TRPC1: variants seen among roughly 807,000 people sequenced by gnomAD.
The protein encoded by TRPC1 is short transient receptor potential channel 1.
Under a neutral mutation model 88.2 loss-of-function variants are expected in TRPC1, and 42 were observed. That is an observed-to-expected ratio of 0.48 (90% CI 0.37 to 0.62). The LOEUF (loss-of-function observed/expected upper bound fraction) is 0.62. Among genes scored for constraint, TRPC1 ranks in the 20% least tolerant of loss-of-function variants. The probability of loss-of-function intolerance (pLI) is 0.00; values close to 1 mark genes in which losing one functional copy is unlikely to be tolerated. For missense variants in TRPC1, 699 were observed against 957.3 expected (o/e 0.73, Z 3.56); for synonymous variants, 288 against 331.8 (o/e 0.87, Z 1.43).
chr3:142,763,215 T>C (rs1350445257), intron 4 of TRPC1, among the ~76,000 whole-genome samples: 1 of 152,104 alleles, frequency 6.6e-6, no homozygotes, highest in Non-Finnish European at 1.5e-5. Flanking sequence ...TTTTACTCTT[T>C]CTTTGTTGAT....
chr3:142,760,573 G>T (rs1242269629), intron 4 of TRPC1, among the ~76,000 whole-genome samples: 1 of 151,956 alleles, frequency 6.6e-6, no homozygotes, highest in Non-Finnish European at 1.5e-5. Context: ...AGTCTTTTGT[G>T]GTTTCATATA....
intron 7 of TRPC1, among the ~76,000 whole-genome samples, chr3:142,790,676 G>GTGTCTCCGTGTA (rs1291285322): frequency 1.3e-5 from 2 of 152,020 alleles, no homozygotes; most frequent in Non-Finnish European, 2.9e-5. Context: ...GTATCCGTGT[G>GTGTCTCCGTGTA]TGTCTCCGTG....
At chr3:142,774,128 T>TGCACCTTCA (rs750191243) in intron 4 of TRPC1, among the ~76,000 whole-genome samples, 3 of 152,320 alleles carry the variant, frequency 2.0e-5, no homozygotes, top group Non-Finnish European at 4.4e-5. Context: ...GTTCTGCTAA[T>TGCACCTTCA]GCACCTTCAG....
At position 142,794,453 on chromosome 3, in the gene TRPC1, A is replaced by G. The variant is rs542391637; in HGVS notation, c.1581+1486A>G. ...CTTCTATCTAAAGCAATCAAAAAGG[A>G]AAAAAGAACAAAATATATGAAACAA... On this transcript the variant is annotated intron_variant, in intron 9 of 12. Transcript: ENST00000476941. Among the ~76,000 whole-genome samples, 10 of 152,260 alleles carry G rather than the reference A, an allele frequency of 6.6e-5. No individual in the cohort carries two copies. In the South Asian group the frequency reaches 2.1e-3, roughly 32 times the overall value.
chr3:142,728,582 A>G (rs377091524), intron 1 of TRPC1, among the ~76,000 whole-genome samples: 135 of 152,136 alleles, frequency 8.9e-4, no homozygotes, highest in African/African-American at 3.1e-3. Context: ...CGGCTTCCCA[A>G]AGTGCTGGGA....
rs1479570831 is a variant in TRPC1 at position 142,724,281 on chromosome 3, G to C, written c.-279G>C. On this transcript the variant is annotated 5_prime_UTR_variant, in exon 1 of 13. Coordinates refer to ENST00000476941, the MANE Select transcript of TRPC1 (RefSeq NM_001251845.2). This position sits in a 1 kb window ranked among gnomAD's most constrained non-coding sequence, Gnocchi z 5.6. ...GCGCGCCACACTGTCGTCCCCGGAC[G>C]GGCGCGGACCGGCTCGGCCGGGGCG... The C allele has an allele frequency of 5.2e-6, 1 of 193,366 alleles. No individual in the cohort carries two copies. Among genetic ancestry groups the C allele is most frequent in the Non-Finnish European group, 1.0e-5 (1 of 95,414 alleles). 12.0% of individuals were successfully genotyped at this position (193,366 alleles called of 1,614,324 possible).
At chr3:142,737,217 C>CT (rs200417176) in intron 2 of TRPC1, among the ~76,000 whole-genome samples, 15,313 of 142,196 alleles carry the variant, frequency 0.11, 949 homozygotes, top group Non-Finnish European at 0.15. Context: ...AATTCTACCT[C>CT]TTTTTTTTTT....
In TRPC1 at chr3:142,743,392, A is replaced by C. The variant is rs1337068925; in HGVS notation, c.328-93A>C. On this transcript the variant is annotated intron_variant, in intron 2 of 12. Coordinates refer to ENST00000476941, the MANE Select transcript of TRPC1 (RefSeq NM_001251845.2). ...GTATTACTGTATATAATACAGTTTAAATTTTTAAAAAGTTTTATTTATGAA... is the reference window on the plus strand; with the variant it reads ...GTATTACTGTATATAATACAGTTTACATTTTTAAAAAGTTTTATTTATGAA... 4 of 1,029,698 alleles carry C rather than the reference A, an allele frequency of 3.9e-6. No individual in the cohort carries two copies. The African/African-American group carries it at 4.9e-5, about 13-fold the overall frequency. 63.8% of individuals were successfully genotyped at this position (1,029,698 alleles called of 1,614,324 possible). A position where few individuals can be genotyped will look rare whatever the true frequency, so the allele number is the denominator to read the frequency against.
chr3:142,789,579 A>G (rs1936235468), intron 7 of TRPC1, among the ~76,000 whole-genome samples: 1 of 152,192 alleles, frequency 6.6e-6, no homozygotes, highest in African/African-American at 2.4e-5. Flanking sequence ...GATAAGCCAG[A>G]GAATGATTCT....
rs944958055 is a variant in TRPC1 at position 142,724,324 on chromosome 3, G to A, written c.-236G>A. The stretch of plus-strand genomic sequence containing the variant: ...CCGGGGCGCCGGCGGCTGGGGAGGG[G>A]TCGCTGGCCCCGGGGCCGCGCATGC... On this transcript the variant is annotated 5_prime_UTR_variant, in exon 1 of 13. Transcript: ENST00000476941. This position sits in a 1 kb window ranked among gnomAD's most constrained non-coding sequence, Gnocchi z 5.6. 9.9e-6 allele frequency: 3 copies of A among 303,164 alleles called. No individual in the cohort carries two copies. Among genetic ancestry groups the A allele is most frequent in the Non-Finnish European group, 1.8e-5 (3 of 166,414 alleles). The allele number at this position is 303,164 out of a possible 1,614,324, so 18.8% of individuals were successfully genotyped here. A position where few individuals can be genotyped will look rare whatever the true frequency, so the allele number is the denominator to read the frequency against.
intron 1 of TRPC1, among the ~76,000 whole-genome samples, chr3:142,727,360 C>A (rs1195032205): frequency 1.3e-5 from 2 of 152,078 alleles, no homozygotes; most frequent in Non-Finnish European, 2.9e-5. Flanking sequence ...ATTCCTAAAG[C>A]AAAAATTGTG....
chr3:142,792,887 C>A lies in TRPC1; in HGVS notation c.1501C>A (p.Leu501Ile). Residue 501 changes from leucine (L) to isoleucine (I), a missense_variant, in exon 9 of 13, where the codon CTT becomes ATT. Physicochemically the swap from Leu to Ile is conservative, Grantham distance 5. This residue lies in a region of TRPC1 where 426 missense variants were observed against 641.3 expected (regional missense o/e 0.66). Transcript: ENST00000476941. The surrounding 1 kb of genome is among the most constrained non-coding windows in gnomAD (Gnocchi z 4.0). ...CCATCCTACACTGGTGGCAGAAGGG[C>A]TTTTTGCATTTGCAAATGTTCTAAG... ...AFHPTLVAEG[L>I]FAFANVLSYL... 6.2e-7 allele frequency: 1 copy of A among 1,610,060 alleles called. No homozygotes were observed. Among genetic ancestry groups the A allele is most frequent in the Admixed American group, 1.7e-5 (1 of 59,724 alleles).
chr3:142,748,550 A>G, intron 4 of TRPC1, 90 bp downstream of exon 4: 1 of 1,384,830 alleles, frequency 7.2e-7, no homozygotes, highest in Non-Finnish European at 1.0e-6. Context: ...TGCAGCTTTT[A>G]AGAAATGTGA....
In TRPC1 at chr3:142,724,519, C is replaced by T. The variant is rs929195223; in HGVS notation, c.-41C>T. ...GGGTCGGGGTCGGGGCCGGTGGGGG[C>T]CCCGCCCCCGTCTCCTGGCCTGCCC... On this transcript the variant is annotated 5_prime_UTR_variant, in exon 1 of 13. Transcript: ENST00000476941. The surrounding 1 kb of genome is among the most constrained non-coding windows in gnomAD (Gnocchi z 5.6). The T allele has an allele frequency of 1.4e-6, 2 of 1,459,754 alleles. No homozygotes were observed. Among genetic ancestry groups the T allele is most frequent in the Non-Finnish European group, 9.0e-7 (1 of 1,110,864 alleles). 90.4% of individuals were successfully genotyped at this position (1,459,754 alleles called of 1,614,324 possible).
intron 4 of TRPC1, among the ~76,000 whole-genome samples, chr3:142,749,014 A>G (rs1934656842): frequency 6.6e-6 from 1 of 152,212 alleles, no homozygotes; most frequent in Admixed American, 6.5e-5. Context: ...ATGCTGTATA[A>G]GATACATGGT....
chr3:142,741,098 A>T (rs1006556367), intron 2 of TRPC1, among the ~76,000 whole-genome samples: 1 of 151,952 alleles, frequency 6.6e-6, no homozygotes, highest in East Asian at 1.9e-4. Context: ...ATAAATATGT[A>T]ATAAGTATAT....
At chr3:142,739,266 G>T (rs1357073553) in intron 2 of TRPC1, among the ~76,000 whole-genome samples, 1 of 152,106 alleles carries the variant, frequency 6.6e-6, no homozygotes, top group Non-Finnish European at 1.5e-5. Flanking sequence ...GAGCCACTGT[G>T]CCCAGCCTAG....
chr3:142,807,560 C>T lies in TRPC1; in HGVS notation c.*1325C>T, dbSNP rs1936831731. 6.6e-6 allele frequency: 1 copy of T among 152,202 alleles called. No individual in the cohort carries two copies. The highest frequency in any genetic ancestry group is 1.9e-4 in the East Asian group (1 of 5,194). 9.4% of individuals were successfully genotyped at this position (152,202 alleles called of 1,614,324 possible). ...CTGTAAGCACCACCGATCCAGGGAT[C>T]ATTGTCTAAATAGGTTACTATTGTT... On this transcript the variant is annotated 3_prime_UTR_variant, in exon 13 of 13. Coordinates refer to ENST00000476941, the MANE Select transcript of TRPC1 (RefSeq NM_001251845.2).
chr3:142,747,974 A>T (rs1308816963), intron 3 of TRPC1, among the ~76,000 whole-genome samples: 1 of 152,126 alleles, frequency 6.6e-6, no homozygotes, highest in Admixed American at 6.5e-5. Flanking sequence ...TCCCTAAGAT[A>T]TTTCTCTAGA....
Sources: allele counts gnomAD v4.1 joint callset (sites outside exome capture counted in the v4.1 genomes callset), GRCh38; gene constraint gnomAD v4.1.1; regional missense constraint gnomAD v4.1.1; non-coding constraint Gnocchi (gnomAD v3.1); transcripts MANE v1.5; gene names NCBI Gene and HGNC (gene_info 2026-07-23, HGNC 2026-07-21).